The following RNF17 variants were observed in gnomAD, a reference collection of about 807,000 sequenced individuals.
The protein encoded by RNF17 is spermatogenesis associated 23.
Under a neutral mutation model 200.5 loss-of-function variants are expected in RNF17, and 31 were observed. The observed-to-expected ratio is 0.15, with a 90% CI of 0.12 to 0.21. The LOEUF (loss-of-function observed/expected upper bound fraction) is 0.21, where lower values mean the gene tolerates loss of function less well. RNF17 is among the 10% of genes least tolerant of loss of function. The pLI is 1.00. For missense variants in RNF17, 1,628 were observed against 1,905.1 expected, an observed-to-expected ratio of 0.85 and a Z score of 2.71; for synonymous variants, 606 against 637.8, an observed-to-expected ratio of 0.95 and a Z score of 0.75.
At chr13:24,792,252 A>G (rs941965489) in intron 9 of RNF17, among the ~76,000 whole-genome samples, 22 of 152,016 alleles carry the variant, frequency 1.4e-4, no homozygotes, top group Non-Finnish European at 3.1e-4. Context: ...TGCCTTTTAA[A>G]TTTTTTCCTA....
At chr13:24,757,717 C>A in the RNF17 span, among the ~76,000 whole-genome samples, 2 of 152,206 alleles carry the variant, frequency 1.3e-5, no homozygotes, top group African/African-American at 4.8e-5. Flanking sequence ...TTCAGTATTT[C>A]TATAAATGTT....
At chr13:24,868,320 A>T (rs1893864827) in intron 30 of RNF17, among the ~76,000 whole-genome samples, 1 of 143,874 alleles carries the variant, frequency 7.0e-6, no homozygotes, top group African/African-American at 2.8e-5. Flanking sequence ...AATACAAAAA[A>T]TTAGCCGGGC....
At chr13:24,760,724 T>C (rs1158151471), upstream of RNF17, among the ~76,000 whole-genome samples, 1 of 152,160 alleles carries the variant, frequency 6.6e-6, no homozygotes, top group African/African-American at 2.4e-5. Context: ...AAACTATACA[T>C]CTGGTAAGGG....
At chr13:24,806,622 A>G (rs996148012) in intron 15 of RNF17, among the ~76,000 whole-genome samples, 1 of 152,112 alleles carries the variant, frequency 6.6e-6, no homozygotes, top group Non-Finnish European at 1.5e-5. Context: ...GGTCACAGCA[A>G]TGTCTTCTTT....
At chr13:24,784,223 T>C (rs948041180) in intron 6 of RNF17, among the ~76,000 whole-genome samples, 2 of 152,254 alleles carry the variant, frequency 1.3e-5, no homozygotes, top group Admixed American at 1.3e-4. Flanking sequence ...TAAATCCCAC[T>C]TGGTCATGGT....
intron 15 of RNF17, among the ~76,000 whole-genome samples, chr13:24,820,225 G>A (rs1054251966): frequency 8.0e-5 from 12 of 149,118 alleles, no homozygotes; most frequent in African/African-American, 1.2e-4. Context: ...GGGTTCAAGC[G>A]ATTGTCCTGC....
At chr13:24,884,308 C>T (rs766413913), downstream of RNF17, 10 of 1,613,990 alleles carry the variant, frequency 6.2e-6, no homozygotes, top group East Asian at 2.2e-5. Context: ...GAGGAGAACA[C>T]CTCTGGAAAC....
chr13:24,864,827 C>G, intron 28 of RNF17, 46 bp from the exon 29 acceptor site: 1 of 1,358,634 alleles, frequency 7.4e-7, no homozygotes, highest in East Asian at 2.3e-5. Flanking sequence ...AAAATGTCAT[C>G]AAGTGGAGTT....
At chr13:24,789,003 GA>G (rs979074521) in intron 7 of RNF17, among the ~76,000 whole-genome samples, 4 of 152,148 alleles carry the variant, frequency 2.6e-5, no homozygotes, top group African/African-American at 7.2e-5. Flanking sequence ...ACTAGGTGAT[GA>G]AAAAAATGAT....
At chr13:24,839,638 A>G (rs566209308) in intron 18 of RNF17, among the ~76,000 whole-genome samples, 47 of 152,256 alleles carry the variant, frequency 3.1e-4, no homozygotes, top group Admixed American at 2.0e-3. Context: ...GGGAAAGGAC[A>G]CCCTTTTCAA....
At chr13:24,832,792 G>C (rs1215684080) in intron 18 of RNF17, among the ~76,000 whole-genome samples, 1 of 152,134 alleles carries the variant, frequency 6.6e-6, no homozygotes, top group East Asian at 1.9e-4. Flanking sequence ...ACCCAAGCTG[G>C]AGTACAATGG....
chr13:24,884,613 T>C (rs1953958058), downstream of RNF17: 5 of 770,196 alleles, frequency 6.5e-6, no homozygotes, highest in East Asian at 2.7e-5. Flanking sequence ...AGTAGCAAAC[T>C]CGTGATTTTC....
intron 15 of RNF17, among the ~76,000 whole-genome samples, chr13:24,825,310 T>G (rs551116448): frequency 7.6e-6 from 1 of 131,318 alleles, no homozygotes; most frequent in African/African-American, 2.7e-5. Context: ...TAAGTGATTG[T>G]ATGTGTGGTA....
At chr13:24,804,212 A>G (rs1885580702) in intron 14 of RNF17, 76 bp from the exon 15 acceptor site, 23 of 1,366,408 alleles carry the variant, frequency 1.7e-5, no homozygotes, top group Middle Eastern at 2.1e-4. Flanking sequence ...GCAGTGAGCC[A>G]TGATAGCACC....
the RNF17 span, among the ~76,000 whole-genome samples, chr13:24,747,939 G>A: frequency 2.0e-5 from 3 of 152,218 alleles, no homozygotes; most frequent in Non-Finnish European, 4.4e-5. Context: ...GTTCAGGTGA[G>A]AGGAGGCAAG....
At chr13:24,752,858 C>A in the RNF17 span, among the ~76,000 whole-genome samples, 2 of 152,210 alleles carry the variant, frequency 1.3e-5, no homozygotes, top group Non-Finnish European at 2.9e-5. Context: ...CTGCTTAGAC[C>A]TTTAGCCATT....
intron 11 of RNF17, among the ~76,000 whole-genome samples, chr13:24,798,728 G>C (rs1381966219): frequency 9.2e-5 from 14 of 151,598 alleles, no homozygotes; most frequent in Admixed American, 9.2e-4. Context: ...GAACATTTCT[G>C]AGCTCATAGT....
At chr13:24,781,195 G>T (rs1244169566) in intron 5 of RNF17, among the ~76,000 whole-genome samples, 1 of 148,330 alleles carries the variant, frequency 6.7e-6, no homozygotes, top group African/African-American at 2.5e-5. Context: ...GGTTTCTACG[G>T]TTTTTTTTTT....
chr13:24,821,327 C>G (rs1888024000), intron 15 of RNF17, among the ~76,000 whole-genome samples: 1 of 151,466 alleles, frequency 6.6e-6, no homozygotes, highest in African/African-American at 2.4e-5. Flanking sequence ...TTATAGCTCT[C>G]CAACATATCT....
Sources: gnomAD v4.1 joint callset for allele counts (sites outside exome capture counted in the v4.1 genomes callset) on GRCh38, gnomAD v4.1.1 for gene constraint, MANE v1.5 for transcripts, NCBI Gene and HGNC (gene_info 2026-07-23, HGNC 2026-07-21) for gene names.